CTNNA2: variants seen among roughly 807,000 people sequenced by gnomAD.
CTNNA2 encodes the protein catenin alpha-2.
Under a neutral mutation model 101.0 loss-of-function variants are expected in CTNNA2, and 42 were observed. The ratio of observed to expected loss-of-function variants is 0.42; its 90% CI spans 0.32 to 0.54. The LOEUF (loss-of-function observed/expected upper bound fraction) is 0.54, where lower values mean the gene tolerates loss of function less well. Ranked by LOEUF, CTNNA2 falls within the 20% of genes least tolerant of loss-of-function variation. The pLI, the probability that CTNNA2 is intolerant of heterozygous loss-of-function variation, is 0.14. For missense variants in CTNNA2, 871 were observed against 1,223.1 expected (o/e 0.71, Z 4.29); for synonymous variants, 450 against 456.4 (o/e 0.99, Z 0.18).
intron 3 of CTNNA2, among the ~76,000 whole-genome samples, chr2:79,781,098 C>A (rs1174548416): frequency 6.6e-6 from 1 of 152,140 alleles, no homozygotes; most frequent in Non-Finnish European, 1.5e-5. Context: ...ATAGACGGAG[C>A]CAGTCCTGAG....
At chr2:80,188,904 CA>C (rs537155639) in intron 7 of CTNNA2, among the ~76,000 whole-genome samples, 1 of 147,566 alleles carries the variant, frequency 6.8e-6, no homozygotes, top group Non-Finnish European at 1.5e-5. Flanking sequence ...CTAACTAAAA[CA>C]AACTCTTTCC....
intron 7 of CTNNA2, among the ~76,000 whole-genome samples, chr2:80,073,955 C>T (rs1023845413): frequency 1.3e-5 from 2 of 152,030 alleles, no homozygotes; most frequent in Admixed American, 1.3e-4. Context: ...AACAGATAGT[C>T]CAGTATTTCT....
chr2:79,581,294 G>A (rs900034145), intron 1 of CTNNA2, among the ~76,000 whole-genome samples: 1 of 152,182 alleles, frequency 6.6e-6, no homozygotes, highest in Non-Finnish European at 1.5e-5. Flanking sequence ...GGGAGGCCAA[G>A]GCAGGTGGAC....
At chr2:80,628,326 G>T (rs558182853) in intron 18 of CTNNA2, among the ~76,000 whole-genome samples, 4 of 151,940 alleles carry the variant, frequency 2.6e-5, no homozygotes, top group Middle Eastern at 6.8e-3. Context: ...TAAGCAAAAA[G>T]AACAAAGCTG....
At chr2:79,992,315 AATG>A (rs1692238932) in intron 7 of CTNNA2, among the ~76,000 whole-genome samples, 1 of 152,198 alleles carries the variant, frequency 6.6e-6, no homozygotes, top group Non-Finnish European at 1.5e-5. Flanking sequence ...AAAGAAAAGA[AATG>A]ATTATATTTT....
At chr2:80,398,934 C>T (rs934064815) in intron 8 of CTNNA2, among the ~76,000 whole-genome samples, 8 of 151,438 alleles carry the variant, frequency 5.3e-5, no homozygotes, top group South Asian at 2.1e-4. Context: ...CCAGGAGGAG[C>T]GGAGCAGAGT....
intron 7 of CTNNA2, among the ~76,000 whole-genome samples, chr2:80,144,891 T>C (rs7558009): frequency 0.68 from 103,697 of 152,068 alleles, 36,032 homozygotes; most frequent in African/African-American, 0.79. Context: ...TTGTGGAAGA[T>C]TGTCCTGTGC....
At chr2:80,283,434 A>C (rs1573592788) in intron 7 of CTNNA2, among the ~76,000 whole-genome samples, 1 of 152,310 alleles carries the variant, frequency 6.6e-6, no homozygotes, top group African/African-American at 2.4e-5. Flanking sequence ...ACTAAATGTC[A>C]ATTTAAAATA....
At chr2:80,549,271 T>C (rs10169767) in intron 11 of CTNNA2, among the ~76,000 whole-genome samples, 65,434 of 152,030 alleles carry the variant, frequency 0.43, 14,268 homozygotes, top group South Asian at 0.59. Flanking sequence ...AGTAGGAAGC[T>C]AAGATCTGAA....
At chr2:79,666,728 T>C (rs528919354) in intron 2 of CTNNA2, among the ~76,000 whole-genome samples, 2 of 152,354 alleles carry the variant, frequency 1.3e-5, no homozygotes, top group South Asian at 2.1e-4. Context: ...AAGATCTGGC[T>C]GGAAAGTTGA....
intron 7 of CTNNA2, among the ~76,000 whole-genome samples, chr2:80,128,316 G>C (rs917879690): frequency 2.6e-5 from 4 of 152,146 alleles, no homozygotes; most frequent in African/African-American, 9.6e-5. Context: ...ATCAGTGTTA[G>C]AGAATCCTCA....
intron 7 of CTNNA2, among the ~76,000 whole-genome samples, chr2:80,191,949 G>A (rs1473857590): frequency 6.6e-6 from 1 of 152,134 alleles, no homozygotes; most frequent in East Asian, 1.9e-4. Context: ...TGATTAATTG[G>A]CTAGTCATGA....
At chr2:79,576,033 C>T (rs1043860769) in intron 1 of CTNNA2, among the ~76,000 whole-genome samples, 1 of 152,200 alleles carries the variant, frequency 6.6e-6, no homozygotes, top group Non-Finnish European at 1.5e-5. Flanking sequence ...ATTTCACCAC[C>T]TTTTGTTCCC....
intron 9 of CTNNA2, among the ~76,000 whole-genome samples, chr2:80,498,699 C>T (rs1443896115): frequency 6.6e-6 from 1 of 152,220 alleles, no homozygotes; most frequent in Non-Finnish European, 1.5e-5. Flanking sequence ...TTTCAGCATT[C>T]CATGCCCCAT....
chr2:79,201,854 C>A (rs1674039569), intron 2 of CTNNA2, among the ~76,000 whole-genome samples: 1 of 152,008 alleles, frequency 6.6e-6, no homozygotes, highest in African/African-American at 2.4e-5. Context: ...AAGGATATGC[C>A]CATGACATAG....
chr2:80,295,018 T>C (rs1322687446), intron 7 of CTNNA2, among the ~76,000 whole-genome samples: 6 of 152,092 alleles, frequency 3.9e-5, no homozygotes, highest in African/African-American at 1.4e-4. Flanking sequence ...CTCCTCTTCC[T>C]CTCTTTTTCT....
At chr2:80,553,172 TG>T (rs1448217788) in intron 11 of CTNNA2, among the ~76,000 whole-genome samples, 4 of 150,356 alleles carry the variant, frequency 2.7e-5, no homozygotes, top group Admixed American at 6.7e-5. Flanking sequence ...TGTGGTGAGC[TG>T]GGATTGCGTC....
intron 7 of CTNNA2, among the ~76,000 whole-genome samples, chr2:79,973,018 A>G (rs1690593383): frequency 6.6e-6 from 1 of 152,148 alleles, no homozygotes; most frequent in Non-Finnish European, 1.5e-5. Context: ...TCCCATTTCA[A>G]ATTTCCATTG....
At chr2:79,555,427 G>T (rs930368217) in intron 1 of CTNNA2, among the ~76,000 whole-genome samples, 1 of 152,092 alleles carries the variant, frequency 6.6e-6, no homozygotes, top group African/African-American at 2.4e-5. Flanking sequence ...CATTCATGTT[G>T]TAAGTTTCAA....
Sources: gnomAD v4.1 joint callset for allele counts (sites outside exome capture counted in the v4.1 genomes callset) on GRCh38, gnomAD v4.1.1 for gene constraint, MANE v1.5 for transcripts, NCBI Gene and HGNC (gene_info 2026-07-23, HGNC 2026-07-21) for gene names.